ASL: variants seen among roughly 807,000 people sequenced by gnomAD.
ASL encodes the protein argininosuccinate lyase, also known as argininosuccinase.
Under a neutral mutation model 69.1 loss-of-function variants are expected in ASL, and 51 were observed. The ratio of observed to expected loss-of-function variants is 0.74; its 90% CI spans 0.59 to 0.93. The LOEUF (loss-of-function observed/expected upper bound fraction) is 0.93. ASL is among the 40% of genes least tolerant of loss of function. ASL has a pLI of 0.00. For synonymous variants in ASL, 241 were observed against 247.6 expected, an observed-to-expected ratio of 0.97 and a Z score of 0.25; for missense variants, 540 against 623.9, an observed-to-expected ratio of 0.87 and a Z score of 1.43.
rs746207768 is a variant in ASL, at chr7:66,083,059, C to T, written c.349-18C>T. 1.2e-6 allele frequency: 2 copies of T among 1,613,752 alleles called. No homozygotes were observed. Among genetic ancestry groups the T allele is most frequent in the South Asian group, 1.1e-5 (1 of 91,062 alleles). On this transcript the variant is annotated intron_variant, in intron 5 of 16. Coordinates refer to ENST00000304874, the MANE Select transcript of ASL (RefSeq NM_000048.4). ...GCAACACATCGGCCTCCCTGAGCAC[C>T]ATCTCCTCCTTGCACAGGTGGTCAC...
chr7:66,084,896 G>C (rs2115712872), intron 6 of ASL, among the ~76,000 whole-genome samples: 1 of 152,216 alleles, frequency 6.6e-6, no homozygotes, highest in East Asian at 1.9e-4. Flanking sequence ...TGGGATTACA[G>C]GTGTGAGCCA....
At position 66,093,025 on chromosome 7, in the gene ASL, A is replaced by G; in HGVS notation, c.*113A>G. ...GCTTTCGGGGCTGGCCAGTGGGGAC[A>G]GTCAGGGACTGGAGAGGCAGGGCAG... On this transcript the variant is annotated 3_prime_UTR_variant, in exon 17 of 17. Coordinates refer to ENST00000304874, the MANE Select transcript of ASL (RefSeq NM_000048.4). 2 of 1,505,804 alleles carry G rather than the reference A, an allele frequency of 1.3e-6. No homozygotes were observed. Among genetic ancestry groups the G allele is most frequent in the African/African-American group, 1.4e-5 (1 of 72,546 alleles). 93.3% of individuals were successfully genotyped at this position (1,505,804 alleles called of 1,614,324 possible).
chr7:66,080,154 G>T (rs1786458710), intron 2 of ASL, among the ~76,000 whole-genome samples: 1 of 151,720 alleles, frequency 6.6e-6, no homozygotes, highest in Non-Finnish European at 1.5e-5. Context: ...AGGCCGAGGT[G>T]GGCAGATCAC....
At chr7:66,087,216 C>G in intron 8 of ASL, 118 bp from the exon 9 acceptor site, 1 of 1,297,070 alleles carries the variant, frequency 7.7e-7, no homozygotes, top group Non-Finnish European at 1.1e-6. Context: ...CCCTGGCAAC[C>G]AGGACTTGGT....
chr7:66,082,142 G>T (rs909260311), intron 3 of ASL, 145 bp downstream of exon 3: 33 of 1,150,086 alleles, frequency 2.9e-5, no homozygotes, highest in Non-Finnish European at 4.2e-5. Flanking sequence ...TTAACTGTGT[G>T]CCTTGATGAC....
Position 66,089,633 on chromosome 7 carries a change from G to T in ASL, c.1000G>T (p.Glu334Ter). The T allele has an allele frequency of 6.2e-7, 1 of 1,613,932 alleles. No individual in the cohort carries two copies. Among genetic ancestry groups the T allele is most frequent in the Non-Finnish European group, 8.5e-7 (1 of 1,180,022 alleles). Reference protein sequence around the residue: ...DLQEDKEAVFEVSDTMSAVLQ... With the variant: ...DLQEDKEAVF ...CCAGGAGGACAAGGAAGCTGTGTTT[G>T]AAGTGTCAGACACTATGAGTGCCGT... The change falls in exon 14 of 17, where the codon GAA (glutamate) becomes TAA (stop). Residue 334 changes from glutamate (E) to a stop codon, truncating the protein, a stop_gained. Coordinates refer to ENST00000304874, the MANE Select transcript of ASL (RefSeq NM_000048.4). LOFTEE classifies it high-confidence loss of function.
chr7:66,087,608 AG>A, intron 9 of ASL, 120 bp from the exon 10 acceptor site: 1 of 1,073,460 alleles, frequency 9.3e-7, no homozygotes, highest in East Asian at 2.5e-5. Context: ...ACTGTGCAAA[AG>A]ATCCCTCCCC....
intron 2 of ASL, among the ~76,000 whole-genome samples, chr7:66,076,697 G>A (rs897971970): frequency 3.3e-5 from 5 of 152,116 alleles, no homozygotes; most frequent in African/African-American, 1.2e-4. Flanking sequence ...GGATTCCCAG[G>A]CAGAGGTTTT....
At chr7:66,077,383 C>T (rs1262529633) in intron 2 of ASL, among the ~76,000 whole-genome samples, 1 of 151,960 alleles carries the variant, frequency 6.6e-6, no homozygotes, top group Non-Finnish European at 1.5e-5. Flanking sequence ...ATGATCTCAC[C>T]ACTGCACTCC....
At chr7:66,081,757 T>C (rs968294351) in intron 2 of ASL, 46 bp from the exon 3 acceptor site, 3 of 1,596,100 alleles carry the variant, frequency 1.9e-6, no homozygotes, top group African/African-American at 1.3e-5. Context: ...GAAGCACTGT[T>C]CTGGAGGGTG....
At chr7:66,092,238 G>C (rs1294583885) in intron 15 of ASL, 152 bp downstream of exon 15, 5 of 879,572 alleles carry the variant, frequency 5.7e-6, no homozygotes, top group Non-Finnish European at 8.9e-6. Flanking sequence ...GGTCACTTGA[G>C]GCCAGGAGTT....
chr7:66,078,307 G>A (rs1283258544), intron 2 of ASL, among the ~76,000 whole-genome samples: 1 of 152,008 alleles, frequency 6.6e-6, no homozygotes, highest in African/African-American at 2.4e-5. Flanking sequence ...GGGGTAAGGG[G>A]CAGGACCAGC....
intron 2 of ASL, among the ~76,000 whole-genome samples, chr7:66,078,776 A>G (rs1347399906): frequency 6.6e-6 from 1 of 151,884 alleles, no homozygotes. Flanking sequence ...CTGGGACTAC[A>G]GCTTCCTGCC....
intron 6 of ASL, among the ~76,000 whole-genome samples, chr7:66,084,164 G>T (rs1353793894): frequency 3.5e-5 from 5 of 141,196 alleles, no homozygotes; most frequent in Non-Finnish European, 6.2e-5. Context: ...GTTTGTTGTT[G>T]TTTTTTTTTT....
At chr7:66,079,005 G>A (rs1196382365) in intron 2 of ASL, among the ~76,000 whole-genome samples, 1 of 151,992 alleles carries the variant, frequency 6.6e-6, no homozygotes, top group Non-Finnish European at 1.5e-5. Flanking sequence ...CGCCTCCCGG[G>A]TTCACGCCAT....
chr7:66,091,514 T>G (rs1383033646), intron 14 of ASL, among the ~76,000 whole-genome samples: 2 of 152,194 alleles, frequency 1.3e-5, no homozygotes, highest in Non-Finnish European at 2.9e-5. Context: ...GAGCCAGGAT[T>G]GTGCCATTGC....
chr7:66,089,229 G>A (rs368492142), intron 12 of ASL, 47 bp from the exon 13 acceptor site: 6 of 1,612,076 alleles, frequency 3.7e-6, no homozygotes, highest in East Asian at 2.2e-5. Context: ...GGGTGGCCAG[G>A]GGGGCAGGAT....
Position 66,092,560 on chromosome 7 carries a change from C to A in ASL, c.1147C>A (p.Pro383Thr). 1 of 1,608,562 alleles carries A rather than the reference C, an allele frequency of 6.2e-7. No individual in the cohort carries two copies. The highest frequency in any genetic ancestry group is 1.1e-5 in the South Asian group (1 of 91,024). The change falls in exon 16 of 17, where the codon CCA (proline) becomes ACA (threonine). Residue 383 changes from proline (P) to threonine (T), a missense_variant. Physicochemically the swap from Pro to Thr is conservative, Grantham distance 38 (BLOSUM62 -1). Coordinates refer to ENST00000304874, the MANE Select transcript of ASL (RefSeq NM_000048.4). The stretch of plus-strand genomic sequence containing the variant: ...CATCTTCCTCCCTGGCACCCAGATG[C>A]CATTCCGCCAGGCCCACGAGGCCTC... ...LAYYLVRKGMPFRQAHEASGK... is the reference protein window; with the variant it reads ...LAYYLVRKGMTFRQAHEASGK...
chr7:66,091,252 A>AC (rs907318620), intron 14 of ASL, among the ~76,000 whole-genome samples: 8 of 151,562 alleles, frequency 5.3e-5, no homozygotes, highest in Non-Finnish European at 4.4e-5. Flanking sequence ...AGCAATTTGT[A>AC]TTTTTCTTAG....
Sources: gnomAD v4.1 joint callset for allele counts (sites outside exome capture counted in the v4.1 genomes callset) on GRCh38, gnomAD v4.1.1 for gene constraint, MANE v1.5 for transcripts, NCBI Gene and HGNC (gene_info 2026-07-23, HGNC 2026-07-21) for gene names.